GABRG3: variants seen among roughly 807,000 people sequenced by gnomAD.
GABRG3 encodes the protein gamma-aminobutyric acid type A receptor subunit gamma3.
GABRG3 carries 25 observed loss-of-function variants against 48.8 expected under a neutral mutation model. The ratio of observed to expected loss-of-function variants is 0.51; its 90% confidence interval spans 0.37 to 0.72. The LOEUF (loss-of-function observed/expected upper bound fraction) is 0.72. GABRG3 is among the 30% of genes least tolerant of loss of function. The pLI, the probability that GABRG3 is intolerant of heterozygous loss-of-function variation, is 0.00. For synonymous variants in GABRG3, 227 were observed against 217.6 expected (o/e 1.04, Z -0.38); for missense variants, 394 against 577.9 (o/e 0.68, Z 3.26).
chr15:27,003,850 G>A (rs1895512755), intron 2 of GABRG3, among the ~76,000 whole-genome samples: 2 of 148,064 alleles, frequency 1.4e-5, no homozygotes, highest in Non-Finnish European at 3.0e-5. Context: ...CCGGGCGGGG[G>A]GGGCTGACCC....
chr15:27,532,466 T>C, intron 9 of GABRG3, 134 bp from the exon 10 acceptor site: 1 of 556,998 alleles, frequency 1.8e-6, no homozygotes, highest in Non-Finnish European at 2.8e-6. Flanking sequence ...CTCTCCAGCA[T>C]GGGGGGAAGG....
At chr15:27,342,703 T>G in intron 5 of GABRG3, among the ~76,000 whole-genome samples, 1 of 152,226 alleles carries the variant, frequency 6.6e-6, no homozygotes, top group East Asian at 1.9e-4. Flanking sequence ...TTAATTGCAG[T>G]AGGATTTCTT....
chr15:27,518,379 AAAAT>A lies in GABRG3; in HGVS notation c.713-1592_713-1589del, dbSNP rs1438806124. Among the ~76,000 whole-genome samples the A allele has an allele frequency of 3.3e-5, 5 of 151,556 alleles. No individual in the cohort carries two copies. In the East Asian group the frequency reaches 9.7e-4, roughly 29 times the overall value. On this transcript the variant is annotated intron_variant, in intron 6 of 9. Coordinates refer to ENST00000615808, the MANE Select transcript of GABRG3 (RefSeq NM_033223.5). ...AGTGAAACTCTGTCTCAAAAAAAAAAAAATGGGACATCAGTGATAGTCTTTTTCA... is the reference window on the plus strand; with the variant it reads ...AGTGAAACTCTGTCTCAAAAAAAAAAGGGACATCAGTGATAGTCTTTTTCA...
At position 27,336,768 on chromosome 15, in the gene GABRG3, T is replaced by C. The variant is rs148906178; in HGVS notation, c.574+7880T>C. ...CCTCAAACCAGAAACAGCCCTCATGTTCTTCAGTGGTTAATGGTTAAGCAA... is the reference window on the plus strand; with the variant it reads ...CCTCAAACCAGAAACAGCCCTCATGCTCTTCAGTGGTTAATGGTTAAGCAA... On this transcript the variant is annotated intron_variant, in intron 5 of 9. Transcript: ENST00000615808. Among the ~76,000 whole-genome samples, 54 of 152,352 alleles carry C rather than the reference T, an allele frequency of 3.5e-4. No individual in the cohort carries two copies. In the East Asian group the frequency reaches 8.9e-3, roughly 25 times the overall value.
rs562723644 is a variant in GABRG3, at chr15:27,210,476, C to T, written c.271-116333C>T. Among the ~76,000 whole-genome samples the T allele has an allele frequency of 1.1e-4, 17 of 152,330 alleles. No individual in the cohort carries two copies. The South Asian group carries it at 3.5e-3, about 32-fold the overall frequency. On this transcript the variant is annotated intron_variant, in intron 3 of 9. Coordinates refer to ENST00000615808, the MANE Select transcript of GABRG3 (RefSeq NM_033223.5). The stretch of plus-strand genomic sequence containing the variant: ...TTCTCTTTCCATCACACACGCGCAC[C>T]TGCGTGCACACACATACACATGCAC...
chr15:27,031,085 C>T (rs1896078149), intron 3 of GABRG3, among the ~76,000 whole-genome samples: 1 of 151,524 alleles, frequency 6.6e-6, no homozygotes, highest in Non-Finnish European at 1.5e-5. Flanking sequence ...CACACACACA[C>T]ACATACAACA....
intron 2 of GABRG3, 132 bp downstream of exon 2, chr15:26,977,282 A>G: frequency 2.2e-6 from 2 of 921,706 alleles, no homozygotes; most frequent in South Asian, 3.4e-5. Flanking sequence ...TTGTCACACA[A>G]TAGATAACTT....
intron 3 of GABRG3, among the ~76,000 whole-genome samples, chr15:27,284,837 G>A (rs1891555603): frequency 6.6e-6 from 1 of 152,216 alleles, no homozygotes; most frequent in Non-Finnish European, 1.5e-5. Context: ...ACAGCTTTGA[G>A]GAGAGAGGCT....
chr15:27,199,977 C>T (rs1405427302), intron 3 of GABRG3, among the ~76,000 whole-genome samples: 3 of 151,200 alleles, frequency 2.0e-5, no homozygotes, highest in Admixed American at 6.6e-5. Context: ...CTTTCCCTTC[C>T]TTCCTCCCTC....
At position 27,520,334 on chromosome 15, in the gene GABRG3, C is replaced by T. The variant is rs141952797; in HGVS notation, c.865+210C>T. ...ATGTATGCCACTTAAATCAAGACGG[C>T]GTAGGAGATTCACAGTAAATCCATT... is the stretch of plus-strand genomic sequence containing the variant. On this transcript the variant is annotated intron_variant, in intron 7 of 9. Coordinates refer to ENST00000615808, the MANE Select transcript of GABRG3 (RefSeq NM_033223.5). Among the ~76,000 whole-genome samples the T allele has an allele frequency of 1.4e-3, 209 of 152,090 alleles. 1 individual carries two copies. The highest frequency in any genetic ancestry group is 2.6e-3 in the Non-Finnish European group (178 of 67,994).
In GABRG3 at chr15:27,073,438, A is replaced by C. The variant is rs181157039; in HGVS notation, c.270+46617A>C. On this transcript the variant is annotated intron_variant, in intron 3 of 9. Coordinates refer to ENST00000615808, the MANE Select transcript of GABRG3 (RefSeq NM_033223.5). Reference sequence around the variant, plus strand: ...TGTGTCCAAGGCAGATGAAACAAGAAGCTTGGCTTAGAGATGACATCTTCA... The same window carrying C: ...TGTGTCCAAGGCAGATGAAACAAGACGCTTGGCTTAGAGATGACATCTTCA... Among the ~76,000 whole-genome samples, 135 of 152,346 alleles carry C rather than the reference A, an allele frequency of 8.9e-4. 2 individuals carry two copies. The highest frequency in any genetic ancestry group is 3.0e-3 in the African/African-American group (125 of 41,588).
At chr15:27,097,672 C>G (rs1468886867) in intron 3 of GABRG3, among the ~76,000 whole-genome samples, 1 of 152,136 alleles carries the variant, frequency 6.6e-6, no homozygotes, top group African/African-American at 2.4e-5. Flanking sequence ...CCAGTCCCCA[C>G]TGAGTGACTG....
intron 3 of GABRG3, among the ~76,000 whole-genome samples, chr15:27,301,620 G>C (rs1892209944): frequency 6.6e-6 from 1 of 151,814 alleles, no homozygotes; most frequent in Non-Finnish European, 1.5e-5. Context: ...ATGTGTGTGA[G>C]TGTGTGTGTG....
intron 3 of GABRG3, among the ~76,000 whole-genome samples, chr15:27,225,977 T>C (rs1889600132): frequency 6.6e-6 from 1 of 152,192 alleles, no homozygotes; most frequent in African/African-American, 2.4e-5. Context: ...TGATGACCAC[T>C]TTTTGCATTT....
At chr15:27,067,440 G>T (rs558775031) in intron 3 of GABRG3, among the ~76,000 whole-genome samples, 1 of 152,274 alleles carries the variant, frequency 6.6e-6, no homozygotes, top group East Asian at 1.9e-4. Context: ...CCTTTCCGGA[G>T]AACATGGAAT....
intron 5 of GABRG3, among the ~76,000 whole-genome samples, chr15:27,435,839 C>A (rs1888593624): frequency 6.6e-6 from 1 of 152,146 alleles, no homozygotes; most frequent in South Asian, 2.1e-4. Flanking sequence ...AGTCCTGTGA[C>A]CCCTCCCCTG....
chr15:27,498,161 T>G (rs997997181), intron 6 of GABRG3, among the ~76,000 whole-genome samples: 1 of 152,178 alleles, frequency 6.6e-6, no homozygotes, highest in African/African-American at 2.4e-5. Flanking sequence ...CTTCCTTCTG[T>G]TTCTTTCCTT....
chr15:27,422,318 C>A (rs1420730334), intron 5 of GABRG3: 2 of 152,288 alleles, frequency 1.3e-5, no homozygotes, highest in African/African-American at 4.8e-5. Flanking sequence ...TGCGTATCCA[C>A]CAATACTGAG....
intron 5 of GABRG3, among the ~76,000 whole-genome samples, chr15:27,477,676 C>T (rs566056007): frequency 6.6e-6 from 1 of 152,070 alleles, no homozygotes; most frequent in Non-Finnish European, 1.5e-5. Flanking sequence ...AGGGGGTATA[C>T]AGGAAATCTC....
Sources: allele counts gnomAD v4.1 joint callset (sites outside exome capture counted in the v4.1 genomes callset), GRCh38; gene constraint gnomAD v4.1.1; transcripts MANE v1.5; gene names NCBI Gene and HGNC (gene_info 2026-07-23, HGNC 2026-07-21).